Variants in MAP7 observed in about 807,000 individuals in gnomAD.
MAP7 encodes ensconsin.
In MAP7, 52 loss-of-function variants were observed where a neutral mutation model predicts 94.8. The observed-to-expected ratio is 0.55, with a 90% CI of 0.44 to 0.69. The LOEUF (loss-of-function observed/expected upper bound fraction) is 0.69, where lower values mean the gene tolerates loss of function less well. Among genes scored for constraint, MAP7 ranks in the 30% least tolerant of loss-of-function variants. The pLI is 0.00. For synonymous variants in MAP7, 350 were observed against 357.0 expected, an observed-to-expected ratio of 0.98 and a Z score of 0.22; for missense variants, 940 against 964.6, an observed-to-expected ratio of 0.97 and a Z score of 0.34.
intron 1 of MAP7, among the ~76,000 whole-genome samples, chr6:136,461,535 T>G (rs1415852914): frequency 2.6e-5 from 4 of 152,210 alleles, no homozygotes; most frequent in Non-Finnish European, 5.9e-5. Flanking sequence ...TTACCTTCCT[T>G]GGTCCTTCAT....
intron 7 of MAP7, among the ~76,000 whole-genome samples, chr6:136,373,393 G>C (rs1775164684): frequency 6.6e-6 from 1 of 152,188 alleles, no homozygotes; most frequent in African/African-American, 2.4e-5. Flanking sequence ...ATGTTGAATA[G>C]AACAGAAATA....
At chr6:136,545,697 AT>A (rs1829677613) in intron 1 of MAP7, among the ~76,000 whole-genome samples, 1 of 152,084 alleles carries the variant, frequency 6.6e-6, no homozygotes, top group Non-Finnish European at 1.5e-5. Context: ...CCTCCATCTA[AT>A]TTTATATCCC....
At chr6:136,522,516 T>A (rs1303648685) in intron 1 of MAP7, among the ~76,000 whole-genome samples, 2 of 152,138 alleles carry the variant, frequency 1.3e-5, no homozygotes, top group Non-Finnish European at 2.9e-5. Context: ...TTAGCCAGGA[T>A]AATCCTGAAC....
chr6:136,381,770 A>G (rs1225071044), intron 6 of MAP7, among the ~76,000 whole-genome samples: 1 of 151,852 alleles, frequency 6.6e-6, no homozygotes, highest in Non-Finnish European at 1.5e-5. Flanking sequence ...GGCCTCTACC[A>G]TGATTCATAG....
intron 1 of MAP7, among the ~76,000 whole-genome samples, chr6:136,459,290 C>T (rs1488413302): frequency 6.6e-6 from 1 of 152,014 alleles, no homozygotes; most frequent in Admixed American, 6.6e-5. Context: ...GGAACTGGTA[C>T]CCTTGTACAC....
chr6:136,357,950 A>C (rs555793417), intron 15 of MAP7, among the ~76,000 whole-genome samples: 1 of 152,332 alleles, frequency 6.6e-6, no homozygotes, highest in South Asian at 2.1e-4. Context: ...CTGAGAAAAC[A>C]TATGATAGGT....
intron 2 of MAP7, 52 bp downstream of exon 2, chr6:136,421,649 A>G (rs1267006852): frequency 6.8e-7 from 1 of 1,476,052 alleles, no homozygotes; most frequent in Non-Finnish European, 9.5e-7. Flanking sequence ...GCATGCCTTT[A>G]GGGCATAAAA....
chr6:136,520,661 C>T (rs1418957605), intron 1 of MAP7, among the ~76,000 whole-genome samples: 4 of 152,078 alleles, frequency 2.6e-5, no homozygotes, highest in South Asian at 2.1e-4. Flanking sequence ...AGGCTGGGAG[C>T]GAGAGAGGAG....
At chr6:136,512,119 G>C (rs1052744637) in intron 1 of MAP7, among the ~76,000 whole-genome samples, 15 of 152,234 alleles carry the variant, frequency 9.9e-5, no homozygotes, top group African/African-American at 3.6e-4. Flanking sequence ...GCCTTTGCTA[G>C]ATTCAAAACA....
intron 16 of MAP7, among the ~76,000 whole-genome samples, chr6:136,353,642 C>T (rs1789869362): frequency 2.0e-5 from 3 of 152,288 alleles, no homozygotes; most frequent in African/African-American, 7.2e-5. Flanking sequence ...CAGCTTTGAC[C>T]TCCTGGGCTC....
At chr6:136,353,659 T>A (rs1789878739) in intron 16 of MAP7, among the ~76,000 whole-genome samples, 1 of 152,200 alleles carries the variant, frequency 6.6e-6, no homozygotes, top group Admixed American at 6.5e-5. Context: ...GCTCTAGTGA[T>A]CTTCCCACCT....
chr6:136,446,151 A>G (rs1323291604), intron 1 of MAP7, among the ~76,000 whole-genome samples: 3 of 152,190 alleles, frequency 2.0e-5, no homozygotes, highest in Admixed American at 6.5e-5. Context: ...ACTGATGATC[A>G]TCAGAGGTGG....
At chr6:136,456,822 G>GAAGAAGGAAGAAGAA (rs1554259490) in intron 1 of MAP7, among the ~76,000 whole-genome samples, 2 of 69,036 alleles carry the variant, frequency 2.9e-5, no homozygotes, top group African/African-American at 1.3e-4. Flanking sequence ...AGAAGAAGAA[G>GAAGAAGGAAGAAGAA]GAAGAAGAAG....
chr6:136,484,118 C>T (rs1258777720), intron 1 of MAP7, among the ~76,000 whole-genome samples: 2 of 152,120 alleles, frequency 1.3e-5, no homozygotes, highest in Non-Finnish European at 2.9e-5. Flanking sequence ...TTGGCTCACG[C>T]GAAGCCCTGA....
rs1289357800 is a variant in MAP7, at chr6:136,359,723, C to G, written c.1912+97G>C. 3.4e-6 allele frequency: 4 copies of G among 1,186,388 alleles called. No individual in the cohort carries two copies. The East Asian group carries it at 9.4e-5, about 28-fold the overall frequency. 73.5% of individuals were successfully genotyped at this position (1,186,388 alleles called of 1,614,324 possible). ...TTCTGTGAGTCTGTAAGCACTGGAT[C>G]TTTTTTCCCTCCATCAATTCCTGAA... is the stretch of plus-strand genomic sequence containing the variant. On this transcript the variant is annotated intron_variant, in intron 15 of 17. Transcript: ENST00000354570.
chr6:136,509,655 C>A (rs1377518118), intron 1 of MAP7, among the ~76,000 whole-genome samples: 1 of 152,088 alleles, frequency 6.6e-6, no homozygotes, highest in African/African-American at 2.4e-5. Flanking sequence ...ATCTCCCAGA[C>A]TCAAGCAATC....
At chr6:136,398,583 T>G (rs899084683) in intron 3 of MAP7, among the ~76,000 whole-genome samples, 31 of 152,192 alleles carry the variant, frequency 2.0e-4, no homozygotes, top group African/African-American at 7.0e-4. Flanking sequence ...ATTGTTTTTG[T>G]GGTAGTGAAT....
At chr6:136,514,608 G>C (rs113277642) in intron 1 of MAP7, among the ~76,000 whole-genome samples, 1,470 of 111,028 alleles carry the variant, frequency 0.013, 20 homozygotes, top group Non-Finnish European at 0.021. Flanking sequence ...AAAAAAAAAA[G>C]AAAACAACAT....
chr6:136,345,712 G>A (rs1787489382), intron 17 of MAP7, 144 bp downstream of exon 17: 2 of 756,292 alleles, frequency 2.6e-6, no homozygotes, highest in African/African-American at 1.7e-5. Context: ...CTATGAGCCA[G>A]GCACAATCTC....
Sources: allele counts gnomAD v4.1 joint callset (sites outside exome capture counted in the v4.1 genomes callset), GRCh38; gene constraint gnomAD v4.1.1; transcripts MANE v1.5; gene names NCBI Gene and HGNC (gene_info 2026-07-23, HGNC 2026-07-21).